Variants in XIRP2 observed in about 807,000 individuals in gnomAD.
The protein encoded by XIRP2 is xin actin-binding repeat-containing protein 2.
XIRP2 carries 236 observed loss-of-function variants against 277.0 expected under a neutral mutation model. The ratio of observed to expected loss-of-function variants is 0.85; its 90% CI spans 0.77 to 0.95. XIRP2 has a LOEUF of 0.95. XIRP2 is among the 40% of genes least tolerant of loss of function. The pLI is 0.00. For missense variants in XIRP2, 4,640 were observed against 4,157.5 expected (o/e 1.12, Z -3.19); for synonymous variants, 1,490 against 1,416.5 (o/e 1.05, Z -1.17).
intron 2 of XIRP2, among the ~76,000 whole-genome samples, chr2:167,101,262 A>G (rs537715619): frequency 1.3e-5 from 2 of 152,364 alleles, no homozygotes; most frequent in Admixed American, 6.5e-5. Flanking sequence ...GTATAAAACT[A>G]TGTATAGAAT....
intron 3 of XIRP2, among the ~76,000 whole-genome samples, chr2:167,170,666 C>T (rs1411231361): frequency 6.6e-6 from 1 of 151,898 alleles, no homozygotes; most frequent in South Asian, 2.1e-4. Flanking sequence ...ATATTTCAGT[C>T]CTACTACTGA....
chr2:167,027,387 T>C (rs2105497397), intron 2 of XIRP2, among the ~76,000 whole-genome samples: 1 of 152,290 alleles, frequency 6.6e-6, no homozygotes, highest in Admixed American at 6.5e-5. Flanking sequence ...GCATTGGCTA[T>C]TCTAGTTATC....
At chr2:167,169,252 C>T (rs1341443115) in intron 3 of XIRP2, among the ~76,000 whole-genome samples, 1 of 151,880 alleles carries the variant, frequency 6.6e-6, no homozygotes, top group Non-Finnish European at 1.5e-5. Context: ...ACACCAAAAA[C>T]GTGAGGTGAC....
At chr2:167,106,739 G>C (rs1690628849) in intron 2 of XIRP2, among the ~76,000 whole-genome samples, 1 of 151,290 alleles carries the variant, frequency 6.6e-6, no homozygotes, top group African/African-American at 2.4e-5. Context: ...TCTTTTATAG[G>C]AATTTGTCGT....
chr2:167,239,735 A>G, intron 5 of XIRP2, 120 bp from the exon 6 acceptor site: 1 of 826,568 alleles, frequency 1.2e-6, no homozygotes, highest in Non-Finnish European at 1.9e-6. Flanking sequence ...GCAGCCAAGA[A>G]AACTAATATA....
intron 2 of XIRP2, among the ~76,000 whole-genome samples, chr2:167,018,772 T>TA (rs1375172009): frequency 6.6e-6 from 1 of 152,056 alleles, no homozygotes; most frequent in Non-Finnish European, 1.5e-5. Context: ...GACATTTACG[T>TA]AATTTAAAAT....
intron 2 of XIRP2, among the ~76,000 whole-genome samples, chr2:167,038,121 C>T (rs1688565411): frequency 6.6e-6 from 1 of 151,896 alleles, no homozygotes; most frequent in Admixed American, 6.6e-5. Context: ...TTGGTGTCAG[C>T]TACATAATCT....
intron 2 of XIRP2, among the ~76,000 whole-genome samples, chr2:167,103,271 G>T (rs1156299733): frequency 1.3e-5 from 2 of 152,240 alleles, no homozygotes; most frequent in African/African-American, 4.8e-5. Flanking sequence ...TACTTAAAAA[G>T]AACAAATTGT....
intron 3 of XIRP2, among the ~76,000 whole-genome samples, chr2:167,189,937 G>C (rs1301311394): frequency 6.6e-6 from 1 of 152,154 alleles, no homozygotes. Context: ...AACCTGACTA[G>C]TGATTAAGGG....
At chr2:167,133,511 A>G (rs1478418524) in intron 2 of XIRP2, among the ~76,000 whole-genome samples, 2 of 152,382 alleles carry the variant, frequency 1.3e-5, no homozygotes, top group East Asian at 3.9e-4. Context: ...CCAATATAGT[A>G]TAAGTTAATG....
At chr2:166,941,957 C>G (rs985695174) in intron 2 of XIRP2, among the ~76,000 whole-genome samples, 2 of 152,174 alleles carry the variant, frequency 1.3e-5, no homozygotes, top group African/African-American at 4.8e-5. Context: ...ACGTATTTAT[C>G]TGGTTCTGCT....
intron 2 of XIRP2, among the ~76,000 whole-genome samples, chr2:166,922,556 T>C (rs1047313962): frequency 6.3e-4 from 96 of 152,174 alleles, no homozygotes; most frequent in African/African-American, 2.1e-3. Context: ...TCCAGATTCT[T>C]CTTTTGCATA....
rs370105080 is a variant in XIRP2, at chr2:167,009,002, A to C, written c.408+105112A>C. The stretch of plus-strand genomic sequence containing the variant: ...TCAATATAAATATTTTAAGAGATTA[A>C]TTTCTTTTATATTAGCCACTGCTGC... On this transcript the variant is annotated intron_variant, in intron 2 of 10. Coordinates refer to ENST00000409195, the MANE Select transcript of XIRP2 (RefSeq NM_152381.6). Among the ~76,000 whole-genome samples the C allele has an allele frequency of 8.6e-4, 130 of 151,476 alleles. 8 individuals carry two copies. The South Asian group carries it at 0.027, about 31-fold the overall frequency.
At chr2:167,006,854 A>C (rs954402337) in intron 2 of XIRP2, among the ~76,000 whole-genome samples, 1 of 151,732 alleles carries the variant, frequency 6.6e-6, no homozygotes, top group Admixed American at 6.6e-5. Context: ...AACCTTTCTT[A>C]TCCTTCTCAA....
chr2:167,169,530 C>T (rs1478062743), intron 3 of XIRP2, among the ~76,000 whole-genome samples: 2 of 152,134 alleles, frequency 1.3e-5, no homozygotes, highest in African/African-American at 4.8e-5. Flanking sequence ...CAGCAGTTTG[C>T]CCTGTGACCT....
chr2:167,229,685 A>G (rs1029557245), intron 5 of XIRP2, among the ~76,000 whole-genome samples: 2 of 152,014 alleles, frequency 1.3e-5, no homozygotes, highest in African/African-American at 4.8e-5. Context: ...ATTCTTTTTG[A>G]TGTTCATTTA....
chr2:167,003,508 G>A (rs151133933), intron 2 of XIRP2, among the ~76,000 whole-genome samples: 44 of 150,486 alleles, frequency 2.9e-4, no homozygotes, highest in African/African-American at 1.0e-3. Flanking sequence ...GTGAGTGATA[G>A]CCCAGACACA....
At chr2:167,155,527 C>T (rs1574304840) in intron 3 of XIRP2, among the ~76,000 whole-genome samples, 3 of 152,224 alleles carry the variant, frequency 2.0e-5, no homozygotes, top group South Asian at 4.2e-4. Flanking sequence ...GCATAAAAGG[C>T]CTTTGACAAA....
chr2:167,084,157 T>C (rs1437454200), intron 2 of XIRP2, among the ~76,000 whole-genome samples: 8 of 152,370 alleles, frequency 5.3e-5, no homozygotes, highest in African/African-American at 1.7e-4. Flanking sequence ...TGAATTGTTG[T>C]TGAATTTTGT....
Sources: allele counts gnomAD v4.1 joint callset (sites outside exome capture counted in the v4.1 genomes callset), GRCh38; gene constraint gnomAD v4.1.1; transcripts MANE v1.5; gene names NCBI Gene and HGNC (gene_info 2026-07-23, HGNC 2026-07-21).